The following GRIK4 variants were observed in gnomAD, a reference collection of about 807,000 sequenced individuals.
GRIK4 encodes the protein glutamate receptor ionotropic, kainate 4.
Under a neutral mutation model 104.9 loss-of-function variants are expected in GRIK4, and 40 were observed. The observed-to-expected ratio is 0.38, with a 90% CI of 0.30 to 0.50. The LOEUF (loss-of-function observed/expected upper bound fraction) is 0.50, where lower values mean the gene tolerates loss of function less well. GRIK4 is among the 20% of genes least tolerant of loss of function. The pLI is 0.93. For missense variants in GRIK4, 1,047 were observed against 1,308.1 expected (o/e 0.80, Z 3.08); for synonymous variants, 485 against 524.9 (o/e 0.92, Z 1.04).
intron 3 of GRIK4, among the ~76,000 whole-genome samples, chr11:120,660,639 T>C (rs1949798717): frequency 2.6e-5 from 4 of 152,170 alleles, no homozygotes; most frequent in Admixed American, 2.6e-4. Flanking sequence ...GATAACTCCC[T>C]AGTGCAGTCA....
chr11:120,848,267 G>T (rs1953897443), intron 8 of GRIK4, among the ~76,000 whole-genome samples: 1 of 152,174 alleles, frequency 6.6e-6, no homozygotes, highest in South Asian at 2.1e-4. Flanking sequence ...ACCCCAGGTG[G>T]GCAGGGCTTA....
chr11:120,762,828 G>A (rs998991630), intron 3 of GRIK4, among the ~76,000 whole-genome samples: 4 of 152,198 alleles, frequency 2.6e-5, no homozygotes, highest in Admixed American at 6.5e-5. Flanking sequence ...TGTGCTGCTG[G>A]ATTTGGTTCG....
intron 1 of GRIK4, among the ~76,000 whole-genome samples, chr11:120,562,666 T>C (rs1008114012): frequency 1.3e-5 from 2 of 152,034 alleles, no homozygotes; most frequent in African/African-American, 4.8e-5. Flanking sequence ...GATCAGTTCA[T>C]GGGGGGCCTT....
intron 1 of GRIK4, chr11:120,576,381 C>T (rs972524857): frequency 9.2e-5 from 14 of 152,322 alleles, no homozygotes; most frequent in South Asian, 4.1e-4. Flanking sequence ...TTTGTCTTCT[C>T]TGCCAGGTGA....
Position 120,967,172 on chromosome 11 carries a change from G to T in GRIK4, c.2267-23G>T. On this transcript the variant is annotated intron_variant, in intron 18 of 20. Transcript: ENST00000527524. This position sits in a 1 kb window ranked among gnomAD's most constrained non-coding sequence, Gnocchi z 4.2. ...ACAGGGCATTCACAACCTGTGTCCT[G>T]GGCTCTCCCGTAACCCCCGCAGGCT... 6.2e-7 allele frequency: 1 copy of T among 1,605,348 alleles called. No individual in the cohort carries two copies. Among genetic ancestry groups the T allele is most frequent in the Non-Finnish European group, 8.5e-7 (1 of 1,175,666 alleles).
intron 3 of GRIK4, among the ~76,000 whole-genome samples, chr11:120,762,581 A>C (rs1951769412): frequency 6.6e-6 from 1 of 152,214 alleles, no homozygotes; most frequent in African/African-American, 2.4e-5. Flanking sequence ...GGTTTGTCAT[A>C]AGTAGCTCTT....
At chr11:120,937,580 G>T (rs11218065) in intron 13 of GRIK4, among the ~76,000 whole-genome samples, 21,521 of 152,114 alleles carry the variant, frequency 0.14, 1,994 homozygotes, top group East Asian at 0.32. Flanking sequence ...CCTCTTGACC[G>T]GGGACAAAGG....
chr11:120,626,339 A>G (rs1272810102), intron 1 of GRIK4, among the ~76,000 whole-genome samples: 1 of 152,194 alleles, frequency 6.6e-6, no homozygotes, highest in Non-Finnish European at 1.5e-5. Flanking sequence ...ATGGGTTTAA[A>G]TGATTTAGAT....
At chr11:120,962,814 C>G in intron 18 of GRIK4, 133 bp downstream of exon 18, 1 of 512,368 alleles carries the variant, frequency 2.0e-6, no homozygotes, top group Non-Finnish European at 3.4e-6. Context: ...TTTACGTGGG[C>G]ATTCTAAAGT....
intron 14 of GRIK4, among the ~76,000 whole-genome samples, chr11:120,943,488 G>A (rs1209798651): frequency 6.6e-6 from 1 of 152,156 alleles, no homozygotes; most frequent in Non-Finnish European, 1.5e-5. Context: ...GCCTTAGGAA[G>A]ATCTGCTGTG....
At chr11:120,527,353 C>T (rs1448225916) in intron 1 of GRIK4, among the ~76,000 whole-genome samples, 2 of 152,166 alleles carry the variant, frequency 1.3e-5, no homozygotes, top group African/African-American at 4.8e-5. Flanking sequence ...CAGCATCTGT[C>T]TGCAGGGTCT....
intron 3 of GRIK4, among the ~76,000 whole-genome samples, chr11:120,664,095 T>C (rs1263107819): frequency 1.3e-5 from 2 of 152,224 alleles, no homozygotes; most frequent in Non-Finnish European, 2.9e-5. Context: ...ATGTGATGGA[T>C]AGATGAATCC....
intron 1 of GRIK4, among the ~76,000 whole-genome samples, chr11:120,569,011 C>T (rs1392041117): frequency 2.0e-5 from 3 of 152,216 alleles, no homozygotes; most frequent in African/African-American, 7.2e-5. Flanking sequence ...CATCTACAAT[C>T]CAATAAGAAC....
intron 9 of GRIK4, chr11:120,869,713 T>C (rs758083457): frequency 6.6e-6 from 1 of 152,516 alleles, no homozygotes; most frequent in African/African-American, 2.4e-5. Context: ...TGACGGTCTC[T>C]TGGGGACCAG....
intron 13 of GRIK4, among the ~76,000 whole-genome samples, chr11:120,911,479 C>G (rs1160551406): frequency 6.8e-6 from 1 of 147,982 alleles, no homozygotes; most frequent in African/African-American, 2.5e-5. Context: ...CCTCGTGATC[C>G]GCCCGTCTCG....
chr11:120,740,134 T>C (rs182344046), intron 3 of GRIK4, among the ~76,000 whole-genome samples: 50 of 152,306 alleles, frequency 3.3e-4, no homozygotes, highest in Non-Finnish European at 6.2e-4. Context: ...ATCACATAGG[T>C]GTAGATTGAC....
chr11:120,933,129 TAGAC>T (rs912444757), intron 13 of GRIK4, among the ~76,000 whole-genome samples: 1 of 152,166 alleles, frequency 6.6e-6, no homozygotes, highest in Admixed American at 6.5e-5. Context: ...TAGGTCCACA[TAGAC>T]AGACGGTCAC....
At chr11:120,825,573 G>A (rs192975089) in intron 6 of GRIK4, among the ~76,000 whole-genome samples, 324 of 152,312 alleles carry the variant, frequency 2.1e-3, no homozygotes, top group African/African-American at 7.4e-3. Flanking sequence ...ATCACCAAAC[G>A]TGGCCCAGGC....
intron 3 of GRIK4, among the ~76,000 whole-genome samples, chr11:120,759,895 A>G (rs182796863): frequency 6.9e-4 from 105 of 152,230 alleles, no homozygotes; most frequent in Non-Finnish European, 1.2e-3. Flanking sequence ...TAGGGGATAC[A>G]TATAGATAGT....
Sources: allele counts gnomAD v4.1 joint callset (sites outside exome capture counted in the v4.1 genomes callset), GRCh38; gene constraint gnomAD v4.1.1; non-coding constraint Gnocchi (gnomAD v3.1); transcripts MANE v1.5; gene names NCBI Gene and HGNC (gene_info 2026-07-23, HGNC 2026-07-21).